CTSB: variants seen among roughly 807,000 people sequenced by gnomAD.
CTSB encodes the protein cathepsin B.
CTSB carries 57 observed loss-of-function variants against 44.3 expected under a neutral mutation model. That is an observed-to-expected ratio of 1.29 (90% CI 1.04 to 1.60). The LOEUF is 1.60. CTSB is among the 40% of genes most tolerant of loss of function. The probability of loss-of-function intolerance (pLI) is 0.00; values close to 1 mark genes in which losing one functional copy is unlikely to be tolerated. For missense variants in CTSB, 768 were observed against 443.0 expected (o/e 1.73, Z -6.59); for synonymous variants, 320 against 168.0 (o/e 1.91, Z -7.00).
At chr8:11,860,554 G>A (rs1324061815) in intron 1 of CTSB, among the ~76,000 whole-genome samples, 1 of 152,176 alleles carries the variant, frequency 6.6e-6, no homozygotes, top group Non-Finnish European at 1.5e-5. Context: ...AACCCAGGAG[G>A]TGGAGGCTGC....
At chr8:11,853,722 C>A (rs1377099473) in intron 1 of CTSB, 3 of 436,488 alleles carry the variant, frequency 6.9e-6, no homozygotes, top group Non-Finnish European at 1.2e-5. Flanking sequence ...AGGGGCTGTG[C>A]TGGACGAGAC....
At chr8:11,848,949 A>G in intron 5 of CTSB, 97 bp downstream of exon 5, 2 of 831,542 alleles carry the variant, frequency 2.4e-6, no homozygotes, top group Non-Finnish European at 4.0e-6. Flanking sequence ...TCTGACTCGC[A>G]GCAGTCCCAG....
chr8:11,844,954 A>C lies in CTSB; in HGVS notation c.*171T>G. The C allele has an allele frequency of 1.6e-6, 1 of 609,990 alleles. No homozygotes were observed. The highest frequency in any genetic ancestry group is 2.9e-6 in the Non-Finnish European group (1 of 340,914). 37.8% of individuals were successfully genotyped at this position (609,990 alleles called of 1,614,324 possible). On this transcript the variant is annotated 3_prime_UTR_variant, in exon 10 of 10. Transcript: ENST00000353047. ...CACATGGCCTGTCTGCACTGTAACC[A>C]CAGGCTGGGATGTAGCCAGGACTTG...
intron 1 of CTSB, chr8:11,862,541 G>A (rs972754424): frequency 6.6e-6 from 1 of 152,228 alleles, no homozygotes; most frequent in Non-Finnish European, 1.5e-5. Context: ...AAGTTGATTT[G>A]TTCTGCTGTC....
chr8:11,854,776 C>G (rs1377451103), intron 1 of CTSB: 1 of 152,296 alleles, frequency 6.6e-6, no homozygotes, highest in East Asian at 1.9e-4. Context: ...CCACCGCACC[C>G]AGCCAGTGGA....
At chr8:11,850,284 T>C (rs1479823611) in intron 4 of CTSB, among the ~76,000 whole-genome samples, 2 of 151,680 alleles carry the variant, frequency 1.3e-5, no homozygotes, top group African/African-American at 2.4e-5. Flanking sequence ...CTGGGCGTGG[T>C]GGCACATGCC....
chr8:11,863,425 C>T (rs760736952), intron 1 of CTSB, among the ~76,000 whole-genome samples: 1 of 151,946 alleles, frequency 6.6e-6, no homozygotes, highest in Non-Finnish European at 1.5e-5. Context: ...CACCACTGCA[C>T]TCCAGCCTGG....
At chr8:11,847,875 C>A in intron 6 of CTSB, 53 bp from the exon 7 acceptor site, 1 of 1,544,704 alleles carries the variant, frequency 6.5e-7, no homozygotes, top group South Asian at 1.2e-5. Context: ...ACGGAGAAGA[C>A]CTGGGGCAAG....
chr8:11,850,752 AAAGTTTCTAT>A, intron 4 of CTSB, 104 bp downstream of exon 4: 1 of 640,576 alleles, frequency 1.6e-6, no homozygotes, highest in Non-Finnish European at 2.7e-6. Context: ...TGGGACTCAG[AAAGTTTCTAT>A]AACTTGCCTT....
Position 11,845,231 on chromosome 8 carries a change from A to T in CTSB, c.923-9T>A, listed in dbSNP as rs1813045697. Reference sequence around the variant, plus strand: ...GAGTATTTTAAAGAAGCCTGGGAATAAAAAGTAAGGTGCTTTTAAAGTGTG... The same window carrying T: ...GAGTATTTTAAAGAAGCCTGGGAATTAAAAGTAAGGTGCTTTTAAAGTGTG... On this transcript the variant is annotated splice_polypyrimidine_tract_variant and intron_variant, in intron 9 of 9. Coordinates refer to ENST00000353047, the MANE Select transcript of CTSB (RefSeq NM_001908.5). The T allele has an allele frequency of 3.1e-6, 5 of 1,601,850 alleles. No individual in the cohort carries two copies. Among genetic ancestry groups the T allele is most frequent in the Non-Finnish European group, 4.3e-6 (5 of 1,169,010 alleles).
At chr8:11,862,099 C>T (rs1265616573) in intron 1 of CTSB, among the ~76,000 whole-genome samples, 2 of 150,928 alleles carry the variant, frequency 1.3e-5, no homozygotes, top group East Asian at 1.9e-4. Context: ...CCCAGCTACT[C>T]GGGAGGCTGA....
At chr8:11,864,857 G>A (rs543907467) in intron 1 of CTSB, among the ~76,000 whole-genome samples, 2 of 151,908 alleles carry the variant, frequency 1.3e-5, no homozygotes, top group East Asian at 1.9e-4. Flanking sequence ...AGGTTGCAGT[G>A]AGCTGAGATT....
At chr8:11,857,330 C>CT (rs1815674886) in intron 1 of CTSB, among the ~76,000 whole-genome samples, 1 of 152,100 alleles carries the variant, frequency 6.6e-6, no homozygotes, top group Non-Finnish European at 1.5e-5. Flanking sequence ...TAGTGACTTT[C>CT]TTAATAATCT....
rs1812658097 is a variant in CTSB, at chr8:11,843,581, CTGTATA to C, written c.*1538_*1543del. 1.3e-5 allele frequency: 2 copies of C among 152,280 alleles called. No individual in the cohort carries two copies. Among genetic ancestry groups the C allele is most frequent in the African/African-American group, 4.8e-5 (2 of 41,462 alleles). The allele number at this position is 152,280 out of a possible 1,614,324, so 9.4% of individuals were successfully genotyped here. On this transcript the variant is annotated 3_prime_UTR_variant, in exon 10 of 10. Transcript: ENST00000353047. ...ACCAGTGGCATACAAATTCAAAATA[CTGTATA>C]CAGGCCCTGACTCCAGCCCAAACCA...
At position 11,847,757 on chromosome 8, in the gene CTSB, C is replaced by T. The variant is rs145271056; in HGVS notation, c.598G>A (p.Gly200Arg). ...CTACACTTGGGGGTATCTCCCTCCC[C>T]CGTGCATGGGGGCCGGGAGCCGTTG... The part of the protein sequence containing the change: ...HVNGSRPPCT[G>R]EGDTPKCSKI... The change falls in exon 7 of 10, where the codon GGG (glycine) becomes AGG (arginine). Residue 200 changes from glycine (G) to arginine (R), a missense_variant. Physicochemically the swap from Gly to Arg is moderately radical, Grantham distance 125. Coordinates refer to ENST00000353047, the MANE Select transcript of CTSB (RefSeq NM_001908.5). The T allele has an allele frequency of 4.4e-6, 7 of 1,601,758 alleles. No homozygotes were observed. The highest frequency in any genetic ancestry group is 6.0e-6 in the Non-Finnish European group (7 of 1,176,206).
rs1330405550 is a variant in CTSB, at chr8:11,850,901, C to CT, written c.291dup (p.Glu98ArgfsTer22). 6.2e-7 allele frequency: 1 copy of CT among 1,613,628 alleles called. No individual in the cohort carries two copies. Among genetic ancestry groups the CT allele is most frequent in the African/African-American group, 1.3e-5 (1 of 75,052 alleles). On this transcript the variant is annotated frameshift_variant, in exon 4 of 10. Transcript: ENST00000353047. LOFTEE classifies it high-confidence loss of function. ...CCACAGGAGCCCTGGTCTCTGATCT[C>CT]TTTGATGGTGGGACACTGTGGCCAT... is the stretch of plus-strand genomic sequence containing the variant.
In CTSB at chr8:11,845,027, A is replaced by C; in HGVS notation, c.*98T>G. On this transcript the variant is annotated 3_prime_UTR_variant, in exon 10 of 10. Coordinates refer to ENST00000353047, the MANE Select transcript of CTSB (RefSeq NM_001908.5). ...ATGTTTGGCCAATCCAGTCCTTCAG[A>C]CCCTGTCTGAAACTTGTATCTTACG... 1 of 822,302 alleles carries C rather than the reference A, an allele frequency of 1.2e-6. No individual in the cohort carries two copies. Among genetic ancestry groups the C allele is most frequent in the Non-Finnish European group, 2.0e-6 (1 of 493,854 alleles). 50.9% of individuals were successfully genotyped at this position (822,302 alleles called of 1,614,324 possible).
intron 1 of CTSB, among the ~76,000 whole-genome samples, chr8:11,855,131 TC>T (rs1815298449): frequency 6.6e-6 from 1 of 152,154 alleles, no homozygotes; most frequent in Admixed American, 6.5e-5. Context: ...CAAGCTATTC[TC>T]CTACCTCAGC....
chr8:11,854,296 G>A (rs1400498405), intron 1 of CTSB, among the ~76,000 whole-genome samples: 1 of 152,148 alleles, frequency 6.6e-6, no homozygotes, highest in Non-Finnish European at 1.5e-5. Flanking sequence ...GCTCCCACGG[G>A]TGGGTGAGGT....
Sources: gnomAD v4.1 joint callset for allele counts (sites outside exome capture counted in the v4.1 genomes callset) on GRCh38, gnomAD v4.1.1 for gene constraint, MANE v1.5 for transcripts, NCBI Gene and HGNC (gene_info 2026-07-23, HGNC 2026-07-21) for gene names.